CTCFL: variants seen among roughly 807,000 people sequenced by gnomAD.
CTCFL encodes transcriptional repressor CTCFL.
Under a neutral mutation model 67.4 loss-of-function variants are expected in CTCFL, and 36 were observed. The ratio of observed to expected loss-of-function variants is 0.53; its 90% CI spans 0.41 to 0.71. The LOEUF (loss-of-function observed/expected upper bound fraction) is 0.71, where lower values mean the gene tolerates loss of function less well. Among genes scored for constraint, CTCFL ranks in the 30% least tolerant of loss-of-function variants. The pLI is 0.00. For synonymous variants in CTCFL, 324 were observed against 302.3 expected (o/e 1.07, Z -0.75); for missense variants, 786 against 835.2 (o/e 0.94, Z 0.73).
At chr20:57,517,511 C>T (rs1322134249) in intron 5 of CTCFL, among the ~76,000 whole-genome samples, 1 of 152,112 alleles carries the variant, frequency 6.6e-6, no homozygotes. Flanking sequence ...CTCCTGACCT[C>T]AAGCAATACG....
chr20:57,514,853 T>C, intron 6 of CTCFL, 112 bp from the exon 7 acceptor site: 1 of 1,141,366 alleles, frequency 8.8e-7, no homozygotes, highest in South Asian at 1.5e-5. Flanking sequence ...TCAACCCCCT[T>C]CTCACCGGAC....
intron 9 of CTCFL, among the ~76,000 whole-genome samples, chr20:57,506,059 G>A (rs2068192347): frequency 6.6e-6 from 1 of 152,146 alleles, no homozygotes; most frequent in Non-Finnish European, 1.5e-5. Context: ...TAGACACTGG[G>A]GTTGGCAAAC....
rs1200747929 is a variant in CTCFL at position 57,514,676 on chromosome 20, G to A, written c.1246C>T (p.His416Tyr). ...RFTQSGTMKI[H>Y]ILQKHGENVP... ...TTTTCGCCGTGTTTCTGCAGAATAT[G>A]TATTTTCATGGTCCCGCTCTGGGTG... The change falls in exon 7 of 11, where the codon CAT becomes TAT. Residue 416 changes from histidine (H) to tyrosine (Y), a missense_variant. His to Tyr is a moderately conservative substitution (Grantham distance 83, BLOSUM62 2). Transcript: ENST00000243914. 1 of 1,614,212 alleles carries A rather than the reference G, an allele frequency of 6.2e-7. No homozygotes were observed. Among genetic ancestry groups the A allele is most frequent in the South Asian group, 1.1e-5 (1 of 91,086 alleles).
rs751612585 is a variant in CTCFL at position 57,515,705 on chromosome 20, A to G, written c.1180+9T>C. On this transcript the variant is annotated intron_variant, in intron 6 of 10. Coordinates refer to ENST00000243914, the MANE Select transcript of CTCFL (RefSeq NM_001386993.1). ...GTAGGTATCAGGCCTTCAGCACCAGAGCCCTTACCTGAGTGCGTTCTCATG... is the reference window on the plus strand; with the variant it reads ...GTAGGTATCAGGCCTTCAGCACCAGGGCCCTTACCTGAGTGCGTTCTCATG... 6.2e-7 allele frequency: 1 copy of G among 1,614,156 alleles called. No homozygotes were observed. The highest frequency in any genetic ancestry group is 8.5e-7 in the Non-Finnish European group (1 of 1,180,004).
intron 10 of CTCFL, among the ~76,000 whole-genome samples, chr20:57,498,934 G>C (rs530036718): frequency 6.6e-6 from 1 of 152,172 alleles, no homozygotes; most frequent in South Asian, 2.1e-4. Flanking sequence ...TGTCTGCTGG[G>C]GGCAGGGCGC....
Position 57,518,816 on chromosome 20 carries a change from T to C in CTCFL, c.1001A>G (p.Tyr334Cys). Residue 334 changes from tyrosine (Y) to cysteine (C), a missense_variant, in exon 5 of 11, where the codon TAT becomes TGT. By Grantham distance (194) the Tyr-to-Cys change is radical. Transcript: ENST00000243914. ...AAAGGGTTTCTCATGAGTATGTTTA[T>C]AGCGCCTGTGTCGGACGAGTTCTCC... Reference protein sequence around the residue: ...TSGELVRHRRYKHTHEKPFKC... With the variant: ...TSGELVRHRRCKHTHEKPFKC... 1 of 1,614,168 alleles carries C rather than the reference T, an allele frequency of 6.2e-7. No homozygotes were observed. Among genetic ancestry groups the C allele is most frequent in the Non-Finnish European group, 8.5e-7 (1 of 1,180,026 alleles).
At chr20:57,505,478 G>A (rs528866306) in intron 9 of CTCFL, among the ~76,000 whole-genome samples, 3 of 151,922 alleles carry the variant, frequency 2.0e-5, no homozygotes, top group South Asian at 2.1e-4. Flanking sequence ...GGATGGTCTC[G>A]ATCTCCTGAC....
chr20:57,511,867 G>C (rs972389606), intron 8 of CTCFL, among the ~76,000 whole-genome samples: 1 of 152,088 alleles, frequency 6.6e-6, no homozygotes, highest in African/African-American at 2.4e-5. Flanking sequence ...TGCTGGGATT[G>C]CAGGTGTGAG....
In CTCFL at chr20:57,508,728, A is replaced by G. The variant is rs201864645; in HGVS notation, c.1552T>C (p.Ser518Pro). ...HTGEKPFTCL[S>P]CNKCFRQKQL... is the part of the protein sequence containing the mutation. ...TTCTGTCGGAAACATTTATTGCAAG[A>G]AAGGCAGGTGAATGGTTTCTCTCCA... The change falls in exon 9 of 11, where the codon TCT becomes CCT. Residue 518 changes from serine (S) to proline (P), a missense_variant. By Grantham distance (74) the Ser-to-Pro change is moderately conservative (BLOSUM62 -1). Coordinates refer to ENST00000243914, the MANE Select transcript of CTCFL (RefSeq NM_001386993.1). The G allele has an allele frequency of 2.2e-5, 35 of 1,614,098 alleles. No homozygotes were observed. Among genetic ancestry groups the G allele is most frequent in the Non-Finnish European group, 2.8e-5 (33 of 1,180,046 alleles).
At chr20:57,512,866 T>C in intron 7 of CTCFL, 114 bp from the exon 8 acceptor site, 1 of 971,498 alleles carries the variant, frequency 1.0e-6, no homozygotes. Context: ...TGCTAGTTCC[T>C]TCCTGGGCAG....
intron 5 of CTCFL, 120 bp downstream of exon 5, chr20:57,518,638 T>C: frequency 6.3e-7 from 1 of 1,576,754 alleles, no homozygotes; most frequent in Non-Finnish European, 8.7e-7. Flanking sequence ...CTGCATAAAT[T>C]TTATATGAAT....
rs1258519482 is a variant in CTCFL, at chr20:57,524,099, C to T, written c.107G>A (p.Cys36Tyr). 1 of 1,613,818 alleles carries T rather than the reference C, an allele frequency of 6.2e-7. No homozygotes were observed. Among genetic ancestry groups the T allele is most frequent in the Admixed American group, 1.7e-5 (1 of 60,018 alleles). The change falls in exon 2 of 11, where the codon TGC becomes TAC. Residue 36 changes from cysteine to tyrosine, a missense_variant. Around this residue, in one of 3 missense-constraint regions of CTCFL, gnomAD observed 333 missense variants for 304.6 expected, o/e 1.09. Coordinates refer to ENST00000243914, the MANE Select transcript of CTCFL (RefSeq NM_001386993.1). ...GLKEEEKDGV[C>Y]REKDHRSPSE... ...AGGGCTCCGATGGTCTTTCTCTCTGCACACTCCGTCTTTTTCCTCCTCCTT... is the reference window on the plus strand; with the variant it reads ...AGGGCTCCGATGGTCTTTCTCTCTGTACACTCCGTCTTTTTCCTCCTCCTT...
Position 57,519,397 on chromosome 20 carries a change from T to C in CTCFL, c.755-20A>G, listed in dbSNP as rs748977690. 40 of 1,605,258 alleles carry C rather than the reference T, an allele frequency of 2.5e-5. No individual in the cohort carries two copies. Among genetic ancestry groups the C allele is most frequent in the Non-Finnish European group, 3.2e-5 (37 of 1,173,578 alleles). Reference sequence around the variant, plus strand: ...TTGCTCCTATAGGCAGGAAATAGTTTATGTATTTGTTAGAGGTTCAAATTC... The same window carrying C: ...TTGCTCCTATAGGCAGGAAATAGTTCATGTATTTGTTAGAGGTTCAAATTC... On this transcript the variant is annotated intron_variant, in intron 3 of 10. Transcript: ENST00000243914.
chr20:57,510,248 C>T (rs908518911), intron 8 of CTCFL, among the ~76,000 whole-genome samples: 1 of 152,084 alleles, frequency 6.6e-6, no homozygotes. Flanking sequence ...TTACTGTGGC[C>T]TCTGAAGAGC....
chr20:57,518,406 G>T, intron 5 of CTCFL: 1 of 765,762 alleles, frequency 1.3e-6, no homozygotes, highest in Non-Finnish European at 1.9e-6. Flanking sequence ...ATTGAGATTG[G>T]ATCTGCATTC....
intron 9 of CTCFL, chr20:57,506,864 A>G: frequency 1.0e-6 from 1 of 985,138 alleles, no homozygotes; most frequent in Non-Finnish European, 1.2e-6. Context: ...GTGTTTTGGG[A>G]GCACTGCCAC....
chr20:57,504,598 T>C (rs1369530684), intron 9 of CTCFL, among the ~76,000 whole-genome samples: 1 of 151,762 alleles, frequency 6.6e-6, no homozygotes, highest in Non-Finnish European at 1.5e-5. Context: ...CATCCTAACA[T>C]CCGTCCCTGA....
chr20:57,503,205 G>A (rs962811495), intron 10 of CTCFL, among the ~76,000 whole-genome samples: 4 of 152,232 alleles, frequency 2.6e-5, no homozygotes, highest in East Asian at 1.9e-4. Flanking sequence ...ATGGAAGAGG[G>A]CTCCTCGGGG....
rs774851229 is a variant in CTCFL, at chr20:57,498,517, T to C, written c.*33A>G. On this transcript the variant is annotated 3_prime_UTR_variant, in exon 11 of 11. Transcript: ENST00000243914. ...AAAAACTTCTAACTTGCTTTAGGAA[T>C]TGGGGGCAGTGAACACGCAACCCGA... 15 of 1,598,852 alleles carry C rather than the reference T, an allele frequency of 9.4e-6. No homozygotes were observed. The highest frequency in any genetic ancestry group is 1.3e-5 in the Non-Finnish European group (15 of 1,170,512).
Sources: gnomAD v4.1 joint callset for allele counts (sites outside exome capture counted in the v4.1 genomes callset) on GRCh38, gnomAD v4.1.1 for gene constraint, gnomAD v4.1.1 regional missense constraint, MANE v1.5 for transcripts, NCBI Gene and HGNC (gene_info 2026-07-23, HGNC 2026-07-21) for gene names.